Variants in WWOX observed in about 807,000 individuals in gnomAD.
WWOX encodes the protein WW domain-containing oxidoreductase.
A neutral mutation model predicts 46.2 loss-of-function variants in WWOX; 69 were observed. That is an observed-to-expected ratio of 1.49 (90% confidence interval 1.23 to 1.82). The LOEUF (loss-of-function observed/expected upper bound fraction) is 1.82, where lower values mean the gene tolerates loss of function less well. Ranked by LOEUF, WWOX falls within the 40% of genes most tolerant of loss-of-function variation. WWOX has a pLI of 0.00. For synonymous variants in WWOX, 359 were observed against 202.6 expected (o/e 1.77, Z -6.56); for missense variants, 919 against 542.6 (o/e 1.69, Z -6.89).
At chr16:78,278,623 G>T (rs201737476) in intron 5 of WWOX, 7 of 1,610,624 alleles carry the variant, frequency 4.3e-6, no homozygotes, top group African/African-American at 1.3e-5. Flanking sequence ...ACCACCCTCC[G>T]CCAGAAAAGT....
At chr16:78,812,493 G>T (rs1408491143) in intron 8 of WWOX, among the ~76,000 whole-genome samples, 1 of 152,088 alleles carries the variant, frequency 6.6e-6, no homozygotes, top group South Asian at 2.1e-4. Flanking sequence ...AGGCCGAGGT[G>T]GACGGATCAC....
chr16:78,490,782 A>G (rs1021067235), intron 8 of WWOX, among the ~76,000 whole-genome samples: 22 of 152,298 alleles, frequency 1.4e-4, no homozygotes, highest in African/African-American at 3.8e-4. Context: ...TTACCCAGCA[A>G]ACGTGGCTTC....
chr16:78,293,099 C>A (rs758161587), intron 5 of WWOX, among the ~76,000 whole-genome samples: 3 of 152,192 alleles, frequency 2.0e-5, no homozygotes, highest in Non-Finnish European at 4.4e-5. Context: ...CTACTTAGAT[C>A]ATATTCTTCC....
intron 6 of WWOX, among the ~76,000 whole-genome samples, chr16:78,389,457 T>C (rs2082132243): frequency 6.6e-6 from 1 of 152,060 alleles, no homozygotes; most frequent in Non-Finnish European, 1.5e-5. Flanking sequence ...CATCTGTCTG[T>C]GGTTGTTTGG....
chr16:78,967,331 C>T (rs990717793), intron 8 of WWOX, among the ~76,000 whole-genome samples: 2 of 133,378 alleles, frequency 1.5e-5, no homozygotes, highest in Non-Finnish European at 3.1e-5. Flanking sequence ...ACTCTGTCAC[C>T]CAGGCTGGAG....
chr16:78,977,508 C>T (rs1439433531), intron 8 of WWOX, among the ~76,000 whole-genome samples: 1 of 152,154 alleles, frequency 6.6e-6, no homozygotes, highest in East Asian at 1.9e-4. Context: ...ATTAGAATCC[C>T]ACCATAGACG....
At chr16:78,598,802 G>T (rs1191726967) in intron 8 of WWOX, among the ~76,000 whole-genome samples, 3 of 152,102 alleles carry the variant, frequency 2.0e-5, no homozygotes, top group East Asian at 3.9e-4. Context: ...TTTTGTGCTT[G>T]GTGAGACCTT....
intron 8 of WWOX, among the ~76,000 whole-genome samples, chr16:78,618,613 C>T (rs1204412045): frequency 6.6e-6 from 1 of 152,134 alleles, no homozygotes; most frequent in African/African-American, 2.4e-5. Context: ...TTTGGGCTTC[C>T]ACATACAAAG....
intron 8 of WWOX, among the ~76,000 whole-genome samples, chr16:79,037,617 A>C (rs970132328): frequency 6.6e-6 from 1 of 152,216 alleles, no homozygotes; most frequent in African/African-American, 2.4e-5. Flanking sequence ...AAGCTGAGGC[A>C]GGATGGGCAG....
intron 8 of WWOX, among the ~76,000 whole-genome samples, chr16:78,570,333 TTA>T (rs1258059970): frequency 6.6e-6 from 1 of 152,118 alleles, no homozygotes; most frequent in East Asian, 1.9e-4. Flanking sequence ...ATGCAACAAT[TTA>T]TTTTTCTTTG....
intron 5 of WWOX, among the ~76,000 whole-genome samples, chr16:78,194,503 G>C (rs2035985283): frequency 6.7e-6 from 1 of 149,290 alleles, no homozygotes; most frequent in South Asian, 2.1e-4. Flanking sequence ...TGGGAGAATT[G>C]CTTGAGCCTG....
intron 8 of WWOX, among the ~76,000 whole-genome samples, chr16:78,863,638 T>C (rs997477368): frequency 3.3e-5 from 5 of 152,182 alleles, no homozygotes; most frequent in Non-Finnish European, 5.9e-5. Flanking sequence ...AAGTCTCTTA[T>C]TTACTCAGTG....
intron 8 of WWOX, among the ~76,000 whole-genome samples, chr16:78,934,119 A>G (rs910527538): frequency 6.6e-6 from 1 of 151,896 alleles, no homozygotes; most frequent in African/African-American, 2.4e-5. Flanking sequence ...GCAGATCACA[A>G]GGTCAGGAGA....
intron 5 of WWOX, among the ~76,000 whole-genome samples, chr16:78,267,753 C>T (rs889299441): frequency 2.7e-5 from 4 of 148,476 alleles, no homozygotes; most frequent in Non-Finnish European, 4.5e-5. Context: ...GTATCTGTTC[C>T]ACCTGATTGA....
intron 8 of WWOX, among the ~76,000 whole-genome samples, chr16:78,441,094 CA>C (rs775559443): frequency 9.9e-5 from 15 of 152,056 alleles, no homozygotes; most frequent in Non-Finnish European, 1.8e-4. Context: ...AGGTGTGCAC[CA>C]CCACGCACGG....
intron 8 of WWOX, among the ~76,000 whole-genome samples, chr16:79,000,368 A>C (rs1306570723): frequency 2.7e-5 from 4 of 150,358 alleles, no homozygotes; most frequent in African/African-American, 1.0e-4. Context: ...GCAGATGGGG[A>C]ATTAAGGTTG....
chr16:78,837,907 T>C (rs2052033432), intron 8 of WWOX, among the ~76,000 whole-genome samples: 1 of 152,152 alleles, frequency 6.6e-6, no homozygotes, highest in Admixed American at 6.5e-5. Flanking sequence ...GATGAGAAAA[T>C]GGAGTCCCAG....
At chr16:78,593,006 C>A (rs1219837809) in intron 8 of WWOX, among the ~76,000 whole-genome samples, 1 of 152,136 alleles carries the variant, frequency 6.6e-6, no homozygotes, top group Non-Finnish European at 1.5e-5. Flanking sequence ...AGATAGCTGC[C>A]AGGGAGGCTG....
chr16:78,378,899 T>C (rs999666214), intron 5 of WWOX, among the ~76,000 whole-genome samples: 4 of 152,182 alleles, frequency 2.6e-5, no homozygotes, highest in African/African-American at 9.7e-5. Context: ...ATATAGATGA[T>C]GTTAATTTCT....
Sources: allele counts gnomAD v4.1 joint callset (sites outside exome capture counted in the v4.1 genomes callset), GRCh38; gene constraint gnomAD v4.1.1; transcripts MANE v1.5; gene names NCBI Gene and HGNC (gene_info 2026-07-23, HGNC 2026-07-21).